ATE1: variants seen among roughly 807,000 people sequenced by gnomAD.
ATE1 encodes the protein arginyl-tRNA--protein transferase 1.
In ATE1, 36 loss-of-function variants were observed where a neutral mutation model predicts 70.5. The observed-to-expected ratio is 0.51, with a 90% confidence interval of 0.39 to 0.67. ATE1 has a LOEUF of 0.67. Among genes scored for constraint, ATE1 ranks in the 30% least tolerant of loss-of-function variants. The pLI is 0.00. For synonymous variants in ATE1, 232 were observed against 219.3 expected, an observed-to-expected ratio of 1.06 and a Z score of -0.51; for missense variants, 593 against 629.5, an observed-to-expected ratio of 0.94 and a Z score of 0.62.
At chr10:121,745,645 T>G (rs989324431) in intron 11 of ATE1, among the ~76,000 whole-genome samples, 3 of 152,142 alleles carry the variant, frequency 2.0e-5, no homozygotes, top group Non-Finnish European at 2.9e-5. Flanking sequence ...GAGAATGGTG[T>G]GAACCCGGGA....
Position 121,752,323 on chromosome 10 carries a change from C to T in ATE1, c.1379-8465G>A, listed in dbSNP as rs1030356235. On this transcript the variant is annotated intron_variant, in intron 11 of 11. Coordinates refer to ENST00000224652, the MANE Select transcript of ATE1 (RefSeq NM_001001976.3). ...TCTGCTCACTGCAAGCTCCGCCTTC[C>T]GGGTTCATGCCATTCTCCTGCCTCA... is the stretch of plus-strand genomic sequence containing the variant. Among the ~76,000 whole-genome samples, 8 of 150,602 alleles carry T rather than the reference C, an allele frequency of 5.3e-5. No homozygotes were observed. In the South Asian group the frequency reaches 6.4e-4, roughly 12 times the overall value.
chr10:121,848,612 C>A (rs1432829986), intron 8 of ATE1, among the ~76,000 whole-genome samples: 127 of 117,348 alleles, frequency 1.1e-3, no homozygotes, highest in East Asian at 1.6e-3. Flanking sequence ...GAGTGAAACT[C>A]AAAAAAAAAA....
At chr10:121,828,287 C>T (rs1948105237) in intron 10 of ATE1, among the ~76,000 whole-genome samples, 1 of 152,200 alleles carries the variant, frequency 6.6e-6, no homozygotes, top group Admixed American at 6.5e-5. Context: ...ATACCTACAC[C>T]ATGTGTTTCA....
chr10:121,759,508 G>A (rs1437536269), intron 11 of ATE1, among the ~76,000 whole-genome samples: 2 of 152,118 alleles, frequency 1.3e-5, no homozygotes, highest in African/African-American at 4.8e-5. Flanking sequence ...TGGATCACAA[G>A]GTCAGGAGAT....
At chr10:121,903,815 T>C (rs1951079159) in intron 5 of ATE1, among the ~76,000 whole-genome samples, 1 of 152,046 alleles carries the variant, frequency 6.6e-6, no homozygotes, top group South Asian at 2.1e-4. Flanking sequence ...AGACCAAATA[T>C]CAAACTGACA....
chr10:121,820,239 T>C (rs1199966089), intron 10 of ATE1, among the ~76,000 whole-genome samples: 5 of 152,174 alleles, frequency 3.3e-5, no homozygotes, highest in Non-Finnish European at 7.3e-5. Flanking sequence ...CCTAACAATA[T>C]GATGAAAATT....
intron 10 of ATE1, among the ~76,000 whole-genome samples, chr10:121,828,576 A>C (rs1417738745): frequency 6.6e-6 from 1 of 152,206 alleles, no homozygotes; most frequent in Non-Finnish European, 1.5e-5. Context: ...GCCTGAGCCC[A>C]GAAGTCCCAG....
intron 7 of ATE1, among the ~76,000 whole-genome samples, chr10:121,889,713 T>A (rs1950518600): frequency 6.6e-6 from 1 of 152,060 alleles, no homozygotes. Flanking sequence ...GAAGGGAGAC[T>A]GAGGCAGAAG....
intron 9 of ATE1, among the ~76,000 whole-genome samples, chr10:121,838,339 G>GCTCACTCCACCTGCCTCCTTCTCACCAA: frequency 6.7e-6 from 1 of 149,430 alleles, no homozygotes; most frequent in Non-Finnish European, 1.5e-5. Context: ...CTTCTCACCA[G>GCTCACTCCACCTGCCTCCTTCTCACCAA]CTCACTCCAC....
intron 11 of ATE1, among the ~76,000 whole-genome samples, chr10:121,765,688 T>A (rs747813643): frequency 3.2e-4 from 48 of 152,324 alleles, no homozygotes; most frequent in Middle Eastern, 3.4e-3. Context: ...TGTGGGGATT[T>A]TTCATTTCTG....
intron 1 of ATE1, among the ~76,000 whole-genome samples, chr10:121,924,856 A>G (rs933813786): frequency 3.2e-5 from 1 of 31,296 alleles, no homozygotes; most frequent in Non-Finnish European, 9.7e-5. Flanking sequence ...AAAAAAACAC[A>G]TCGAAGTTAA....
At chr10:121,792,297 G>A (rs1159319829) in intron 10 of ATE1, among the ~76,000 whole-genome samples, 2 of 152,284 alleles carry the variant, frequency 1.3e-5, no homozygotes, top group Non-Finnish European at 2.9e-5. Flanking sequence ...ATCAGATTCT[G>A]GGGGACATTC....
intron 11 of ATE1, among the ~76,000 whole-genome samples, chr10:121,773,696 A>G (rs1945616660): frequency 6.6e-6 from 1 of 152,174 alleles, no homozygotes. Context: ...AAGGTCCTAT[A>G]TACAGCAGTA....
chr10:121,817,540 A>G (rs1947607014), intron 10 of ATE1, among the ~76,000 whole-genome samples: 1 of 146,460 alleles, frequency 6.8e-6, no homozygotes, highest in South Asian at 2.1e-4. Context: ...CTCTGTCTCA[A>G]AAAAAAAAAA....
intron 8 of ATE1, among the ~76,000 whole-genome samples, chr10:121,850,887 C>T (rs1326126672): frequency 1.3e-5 from 2 of 151,716 alleles, no homozygotes; most frequent in Non-Finnish European, 2.9e-5. Context: ...GTCAGGAGAT[C>T]GACACCATCC....
At chr10:121,771,033 T>G (rs921021716) in intron 11 of ATE1, among the ~76,000 whole-genome samples, 1 of 152,120 alleles carries the variant, frequency 6.6e-6, no homozygotes, top group Non-Finnish European at 1.5e-5. Context: ...CACAAAAAGC[T>G]GAGGTAACTG....
At chr10:121,888,035 T>G (rs903092979) in intron 7 of ATE1, among the ~76,000 whole-genome samples, 17 of 152,154 alleles carry the variant, frequency 1.1e-4, no homozygotes, top group Admixed American at 1.1e-3. Flanking sequence ...CTCAGAAATA[T>G]TATCATAATA....
chr10:121,918,215 C>G (rs528238704), intron 3 of ATE1, among the ~76,000 whole-genome samples: 21 of 152,194 alleles, frequency 1.4e-4, no homozygotes, highest in African/African-American at 4.3e-4. Flanking sequence ...CGCCTGTAGT[C>G]CCAGCTACTC....
At chr10:121,858,124 T>C (rs1207082126) in intron 8 of ATE1, among the ~76,000 whole-genome samples, 2 of 152,244 alleles carry the variant, frequency 1.3e-5, no homozygotes, top group African/African-American at 4.8e-5. Context: ...CTTTGGCTAC[T>C]GTGAATGATG....
Sources: allele counts gnomAD v4.1 joint callset (sites outside exome capture counted in the v4.1 genomes callset), GRCh38; gene constraint gnomAD v4.1.1; transcripts MANE v1.5; gene names NCBI Gene and HGNC (gene_info 2026-07-23, HGNC 2026-07-21).